The following PIAS1 variants were observed in gnomAD, a reference collection of about 807,000 sequenced individuals.
PIAS1 encodes protein inhibitor of activated STAT 1, also known as E3 SUMO-protein ligase PIAS1.
A neutral mutation model predicts 71.3 loss-of-function variants in PIAS1; 6 were observed. The ratio of observed to expected loss-of-function variants is 0.08; its 90% CI spans 0.05 to 0.17. The LOEUF is 0.17. Ranked by LOEUF, PIAS1 falls within the 10% of genes least tolerant of loss-of-function variation. PIAS1 has a pLI of 1.00. For synonymous variants in PIAS1, 303 were observed against 292.9 expected (o/e 1.03, Z -0.35); for missense variants, 555 against 793.6 (o/e 0.70, Z 3.61).
intron 1 of PIAS1, among the ~76,000 whole-genome samples, chr15:68,064,964 C>T (rs368029075): frequency 2.0e-5 from 3 of 151,962 alleles, no homozygotes; most frequent in South Asian, 2.1e-4. Flanking sequence ...AGGCTGGTCT[C>T]GAAGTCGGGG....
rs1184889338 is a variant in PIAS1, at chr15:68,088,184, A to G, written c.469+1434A>G. On this transcript the variant is annotated intron_variant, in intron 2 of 13. Coordinates refer to ENST00000249636, the MANE Select transcript of PIAS1 (RefSeq NM_016166.3). ...TGTCTGATTATGTGTGTGTATATAT[A>G]TATATATATATATATATCCCATTTT... is the stretch of plus-strand genomic sequence containing the variant. Among the ~76,000 whole-genome samples, 129 of 138,832 alleles carry G rather than the reference A, an allele frequency of 9.3e-4. 1 individual carries two copies. Among genetic ancestry groups the G allele is most frequent in the Middle Eastern group, 3.6e-3 (1 of 276 alleles). 91.1% of individuals were successfully genotyped at this position (138,832 alleles called of 152,430 possible).
chr15:68,179,375 C>T (rs976433207), intron 11 of PIAS1, among the ~76,000 whole-genome samples: 1 of 152,002 alleles, frequency 6.6e-6, no homozygotes, highest in South Asian at 2.1e-4. Context: ...TGTGAGAAGA[C>T]TCAGCTAATG....
intron 7 of PIAS1, among the ~76,000 whole-genome samples, chr15:68,155,345 T>C (rs1268496399): frequency 6.6e-6 from 1 of 151,162 alleles, no homozygotes. Context: ...ACCTTACTTA[T>C]TGGCCAGGGA....
At chr15:68,175,800 C>A in intron 10 of PIAS1, 33 bp downstream of exon 10, 1 of 1,530,338 alleles carries the variant, frequency 6.5e-7, no homozygotes, top group South Asian at 1.2e-5. Flanking sequence ...GAGGCAGTCT[C>A]CCTACTGCTC....
At chr15:68,065,455 T>G (rs2092007398) in intron 1 of PIAS1, among the ~76,000 whole-genome samples, 1 of 151,732 alleles carries the variant, frequency 6.6e-6, no homozygotes, top group Non-Finnish European at 1.5e-5. Context: ...GCTGGGCATG[T>G]TGATGCGCAC....
At chr15:68,101,444 CT>C (rs1465920206) in intron 2 of PIAS1, among the ~76,000 whole-genome samples, 4 of 147,104 alleles carry the variant, frequency 2.7e-5, no homozygotes, top group Admixed American at 2.0e-4. Flanking sequence ...TGTAACTTGT[CT>C]TTTTTTTTGT....
intron 2 of PIAS1, among the ~76,000 whole-genome samples, chr15:68,109,385 A>G (rs2092501952): frequency 6.6e-6 from 1 of 152,140 alleles, no homozygotes; most frequent in Non-Finnish European, 1.5e-5. Flanking sequence ...TACAGTGTAA[A>G]TGCCATAAGG....
At chr15:68,077,880 C>T (rs1056950405) in intron 1 of PIAS1, among the ~76,000 whole-genome samples, 3 of 152,188 alleles carry the variant, frequency 2.0e-5, no homozygotes, top group South Asian at 2.1e-4. Context: ...AATCTCTATA[C>T]TAGGACCCAG....
rs144581379 is a variant in PIAS1 at position 68,178,682 on chromosome 15, A to G, written c.1481+2028A>G. Reference sequence around the variant, plus strand: ...AAAGATATTTCATAAACCTCTGGATATATAAATACTTTTGGGCTAAATGCA... The same window carrying G: ...AAAGATATTTCATAAACCTCTGGATGTATAAATACTTTTGGGCTAAATGCA... On this transcript the variant is annotated intron_variant, in intron 11 of 13. Transcript: ENST00000249636. The surrounding 1 kb of genome is among the most constrained non-coding windows in gnomAD (Gnocchi z 4.2). Among the ~76,000 whole-genome samples the G allele has an allele frequency of 1.4e-4, 22 of 152,326 alleles. No homozygotes were observed. Among genetic ancestry groups the G allele is most frequent in the Non-Finnish European group, 2.9e-4 (20 of 68,012 alleles).
At chr15:68,164,696 G>T (rs1444124955) in intron 7 of PIAS1, 35 bp from the exon 8 acceptor site, 4 of 1,259,998 alleles carry the variant, frequency 3.2e-6, no homozygotes, top group Non-Finnish European at 4.5e-6. Flanking sequence ...ATAAAACTCT[G>T]TTTGCTTTTT....
chr15:68,077,321 T>C (rs375611071), intron 1 of PIAS1, among the ~76,000 whole-genome samples: 211 of 152,340 alleles, frequency 1.4e-3, no homozygotes, highest in African/African-American at 4.9e-3. Flanking sequence ...TCACACCATA[T>C]CTAGATTATT....
At chr15:68,112,653 A>G (rs1208038052) in intron 2 of PIAS1, among the ~76,000 whole-genome samples, 2 of 152,232 alleles carry the variant, frequency 1.3e-5, no homozygotes, top group African/African-American at 2.4e-5. Flanking sequence ...ATTTCTAGAA[A>G]GTCAAAGAAA....
intron 2 of PIAS1, among the ~76,000 whole-genome samples, chr15:68,120,682 T>A (rs552189749): frequency 6.6e-6 from 1 of 152,218 alleles, no homozygotes; most frequent in South Asian, 2.1e-4. Flanking sequence ...TGAAACAGAG[T>A]CTTACTGTGT....
chr15:68,066,815 T>C (rs1202594078), intron 1 of PIAS1, among the ~76,000 whole-genome samples: 1 of 152,200 alleles, frequency 6.6e-6, no homozygotes, highest in Non-Finnish European at 1.5e-5. Context: ...GTATAGTATT[T>C]TGTGTCTAAT....
intron 6 of PIAS1, among the ~76,000 whole-genome samples, chr15:68,150,600 C>G (rs750780369): frequency 2.6e-5 from 4 of 152,062 alleles, no homozygotes; most frequent in South Asian, 2.1e-4. Flanking sequence ...GCTAGTATAG[C>G]GCCTGAAAGA....
intron 1 of PIAS1, among the ~76,000 whole-genome samples, chr15:68,057,217 T>A (rs1480902955): frequency 6.6e-6 from 1 of 152,218 alleles, no homozygotes; most frequent in African/African-American, 2.4e-5. Context: ...GTCATACATA[T>A]CAAAATGAAT....
At chr15:68,103,099 C>T (rs1333103064) in intron 2 of PIAS1, among the ~76,000 whole-genome samples, 2 of 151,520 alleles carry the variant, frequency 1.3e-5, no homozygotes, top group African/African-American at 4.8e-5. Context: ...AGATAATTTT[C>T]GTATTTTAGT....
chr15:68,146,796 C>A, intron 6 of PIAS1, 96 bp downstream of exon 6: 1 of 883,734 alleles, frequency 1.1e-6, no homozygotes, highest in Non-Finnish European at 1.8e-6. Context: ...GTAAAATGAG[C>A]TGCAAAAGGA....
chr15:68,117,625 A>G (rs76504199), intron 2 of PIAS1, among the ~76,000 whole-genome samples: 797 of 152,320 alleles, frequency 5.2e-3, no homozygotes, highest in Non-Finnish European at 8.5e-3. Flanking sequence ...TTGTCTTACT[A>G]TGCATGGCCT....
Sources: allele counts gnomAD v4.1 joint callset (sites outside exome capture counted in the v4.1 genomes callset), GRCh38; gene constraint gnomAD v4.1.1; non-coding constraint Gnocchi (gnomAD v3.1); transcripts MANE v1.5; gene names NCBI Gene and HGNC (gene_info 2026-07-23, HGNC 2026-07-21).